The following ERI3 variants were observed in gnomAD, a reference collection of about 807,000 sequenced individuals.
ERI3 encodes the protein ERI1 exoribonuclease family member 3.
ERI3 carries 18 observed loss-of-function variants against 44.4 expected under a neutral mutation model. The ratio of observed to expected loss-of-function variants is 0.41; its 90% CI spans 0.28 to 0.60. The LOEUF (loss-of-function observed/expected upper bound fraction) is 0.60. Among genes scored for constraint, ERI3 ranks in the 20% least tolerant of loss-of-function variants. The pLI is 0.36. For missense variants in ERI3, 294 were observed against 435.5 expected, an observed-to-expected ratio of 0.68 and a Z score of 2.89; for synonymous variants, 183 against 164.8, an observed-to-expected ratio of 1.11 and a Z score of -0.84.
At chr1:44,232,123 A>C (rs1446554199) in intron 8 of ERI3, among the ~76,000 whole-genome samples, 1 of 152,204 alleles carries the variant, frequency 6.6e-6, no homozygotes, top group Non-Finnish European at 1.5e-5. Context: ...CCCCTTATTT[A>C]AGATATTTAA....
intron 8 of ERI3, among the ~76,000 whole-genome samples, chr1:44,225,384 T>TC (rs569166346): frequency 2.9e-4 from 44 of 152,276 alleles, no homozygotes; most frequent in African/African-American, 1.0e-3. Flanking sequence ...TACCTCGGCC[T>TC]CCCAAAGGGC....
At chr1:44,336,975 G>T (rs1013237114) in intron 3 of ERI3, among the ~76,000 whole-genome samples, 3 of 152,182 alleles carry the variant, frequency 2.0e-5, no homozygotes, top group African/African-American at 7.2e-5. Flanking sequence ...GGTGATACAA[G>T]CTGTTTAAAT....
intron 3 of ERI3, among the ~76,000 whole-genome samples, chr1:44,320,847 G>C (rs2154329222): frequency 6.6e-6 from 1 of 152,256 alleles, no homozygotes; most frequent in Admixed American, 6.5e-5. Context: ...AAAATTCTCT[G>C]AGTAAAATTA....
chr1:44,245,548 C>A (rs1443563584), intron 8 of ERI3, among the ~76,000 whole-genome samples: 1 of 152,208 alleles, frequency 6.6e-6, no homozygotes. Flanking sequence ...TCACAGGGTT[C>A]TGGGTGGAAG....
At chr1:44,323,004 CTG>C in intron 3 of ERI3, 2 of 1,219,214 alleles carry the variant, frequency 1.6e-6, no homozygotes, top group Non-Finnish European at 2.2e-6. Context: ...GATAATGAAA[CTG>C]TTATTCCTGA....
chr1:44,352,987 G>A (rs1646927212), intron 1 of ERI3, 62 bp from the exon 2 acceptor site: 1 of 1,609,960 alleles, frequency 6.2e-7, no homozygotes, highest in Non-Finnish European at 8.5e-7. Flanking sequence ...AAATCCCCAT[G>A]AAGGATACTA....
intron 7 of ERI3, among the ~76,000 whole-genome samples, chr1:44,248,257 GTCCCT>G (rs1644596615): frequency 6.6e-6 from 1 of 152,010 alleles, no homozygotes; most frequent in East Asian, 1.9e-4. Context: ...CCCCATCTGA[GTCCCT>G]GGCCCTCAAT....
chr1:44,315,698 G>GT lies in ERI3; in HGVS notation c.607-2471_607-2470insA, dbSNP rs1407784364. ...CATGGCTCACAGCTGAGCTCCTCAA[G>GT]GATTTGCATTTAGCCCCCAGAGACA... is the stretch of plus-strand genomic sequence containing the variant. On this transcript the variant is annotated intron_variant, in intron 4 of 8. Coordinates refer to ENST00000372257, the MANE Select transcript of ERI3 (RefSeq NM_024066.3). Among the ~76,000 whole-genome samples the GT allele has an allele frequency of 2.0e-4, 31 of 152,356 alleles. 1 individual carries two copies. In the South Asian group the frequency reaches 5.8e-3, roughly 28 times the overall value.
chr1:44,284,209 G>A (rs16831828), intron 7 of ERI3: 16,094 of 376,662 alleles, frequency 0.043, 396 homozygotes, highest in African/African-American at 0.065. Flanking sequence ...GCTCACTATC[G>A]TAGCCACACA....
chr1:44,307,018 A>G (rs2154327437), intron 6 of ERI3, among the ~76,000 whole-genome samples: 1 of 151,396 alleles, frequency 6.6e-6, no homozygotes, highest in South Asian at 2.1e-4. Flanking sequence ...TTTTCCATGG[A>G]CTCCTCCTCT....
chr1:44,277,411 T>C (rs1645201326), intron 7 of ERI3, among the ~76,000 whole-genome samples: 2 of 152,204 alleles, frequency 1.3e-5, no homozygotes, highest in African/African-American at 4.8e-5. Flanking sequence ...AAACCCGCTT[T>C]AACCCCTACT....
At chr1:44,257,149 A>T (rs1326698599) in intron 7 of ERI3, among the ~76,000 whole-genome samples, 1 of 152,182 alleles carries the variant, frequency 6.6e-6, no homozygotes, top group African/African-American at 2.4e-5. Context: ...TTTCAATTAC[A>T]TCTGTCACTG....
chr1:44,223,879 C>T (rs1643967174), intron 8 of ERI3, among the ~76,000 whole-genome samples: 1 of 151,940 alleles, frequency 6.6e-6, no homozygotes, highest in Non-Finnish European at 1.5e-5. Context: ...AAGATCACCT[C>T]TCCAGCCTGG....
rs1292423175 is a variant in ERI3 at position 44,235,195 on chromosome 1, AC to A, written c.931+12743del. Among the ~76,000 whole-genome samples, 12 of 151,830 alleles carry A rather than the reference AC, an allele frequency of 7.9e-5. No individual in the cohort carries two copies. The East Asian group carries it at 1.4e-3, about 17-fold the overall frequency. ...CTGACTCAGCTCCCAATGCATCCAA[AC>A]CCCTTTATAAAAGTCTGAGTTCTGG... is the stretch of plus-strand genomic sequence containing the variant. On this transcript the variant is annotated intron_variant, in intron 8 of 8. Coordinates refer to ENST00000372257, the MANE Select transcript of ERI3 (RefSeq NM_024066.3). The surrounding 1 kb of genome is among the most constrained non-coding windows in gnomAD (Gnocchi z 4.6).
At chr1:44,343,642 C>T (rs180948655) in intron 2 of ERI3, among the ~76,000 whole-genome samples, 1 of 152,302 alleles carries the variant, frequency 6.6e-6, no homozygotes, top group African/African-American at 2.4e-5. Context: ...CCAAATGCAA[C>T]CCACGATTCT....
chr1:44,241,365 C>T lies in ERI3; in HGVS notation c.931+6574G>A, dbSNP rs1339227630. Among the ~76,000 whole-genome samples, 1 of 152,082 alleles carries T rather than the reference C, an allele frequency of 6.6e-6. No homozygotes were observed. The highest frequency in any genetic ancestry group is 1.5e-5 in the Non-Finnish European group (1 of 68,024). On this transcript the variant is annotated intron_variant, in intron 8 of 8. Coordinates refer to ENST00000372257, the MANE Select transcript of ERI3 (RefSeq NM_024066.3). The surrounding 1 kb of genome is among the most constrained non-coding windows in gnomAD (Gnocchi z 5.6). Reference sequence around the variant, plus strand: ...GAATCCAATGCAGTCCCTTATCTGCCCTGTCAATCACTCAATCACCGCCCA... The same window carrying T: ...GAATCCAATGCAGTCCCTTATCTGCTCTGTCAATCACTCAATCACCGCCCA...
intron 8 of ERI3, among the ~76,000 whole-genome samples, chr1:44,239,213 T>G (rs1459239327): frequency 6.6e-6 from 1 of 152,094 alleles, no homozygotes; most frequent in Non-Finnish European, 1.5e-5. Context: ...CAGGGGACAG[T>G]AGGTGCTTAT....
chr1:44,255,556 C>G (rs547298750), intron 7 of ERI3, among the ~76,000 whole-genome samples: 2 of 152,278 alleles, frequency 1.3e-5, no homozygotes, highest in African/African-American at 4.8e-5. Flanking sequence ...TGTCTTCAAC[C>G]TTTCTAATTT....
At chr1:44,315,244 G>C (rs1487146632) in intron 4 of ERI3, among the ~76,000 whole-genome samples, 3 of 152,140 alleles carry the variant, frequency 2.0e-5, no homozygotes, top group Admixed American at 6.5e-5. Context: ...TCCCACCAAG[G>C]GTCTCTCAAA....
Sources: gnomAD v4.1 joint callset for allele counts (sites outside exome capture counted in the v4.1 genomes callset) on GRCh38, gnomAD v4.1.1 for gene constraint, Gnocchi (gnomAD v3.1) non-coding constraint, MANE v1.5 for transcripts, NCBI Gene and HGNC (gene_info 2026-07-23, HGNC 2026-07-21) for gene names.